The following CUBN variants were observed in gnomAD, a reference collection of about 807,000 sequenced individuals.
CUBN encodes the protein 460 kDa receptor.
CUBN carries 282 observed loss-of-function variants against 405.3 expected under a neutral mutation model. The ratio of observed to expected loss-of-function variants is 0.70; its 90% CI spans 0.63 to 0.77. The LOEUF (loss-of-function observed/expected upper bound fraction) is 0.77. CUBN is among the 30% of genes least tolerant of loss of function. The probability of loss-of-function intolerance (pLI) is 0.00; values close to 1 mark genes in which losing one functional copy is unlikely to be tolerated. For missense variants in CUBN, 4,514 were observed against 4,475.2 expected, an observed-to-expected ratio of 1.01 and a Z score of -0.25; for synonymous variants, 1,684 against 1,617.0, an observed-to-expected ratio of 1.04 and a Z score of -0.99.
intron 4 of CUBN, among the ~76,000 whole-genome samples, chr10:17,125,208 C>T (rs934661748): frequency 1.1e-4 from 17 of 152,022 alleles, no homozygotes; most frequent in Non-Finnish European, 2.1e-4. Context: ...CACACACATA[C>T]ATATATATTA....
At chr10:17,087,460 ATTTTTC>A (rs1373328827) in intron 15 of CUBN, among the ~76,000 whole-genome samples, 1,365 of 97,652 alleles carry the variant, frequency 0.014, 14 homozygotes, top group East Asian at 0.025. Flanking sequence ...AATCACTATT[ATTTTTC>A]TTTTTCTTTT....
chr10:17,011,117 T>C (rs1834167339), intron 28 of CUBN, among the ~76,000 whole-genome samples: 1 of 152,204 alleles, frequency 6.6e-6, no homozygotes, highest in Non-Finnish European at 1.5e-5. Flanking sequence ...TCTAGCATCA[T>C]GGTTGAGAAC....
At chr10:16,908,869 T>A (rs957168672) in intron 48 of CUBN, among the ~76,000 whole-genome samples, 7 of 128,850 alleles carry the variant, frequency 5.4e-5, no homozygotes, top group Non-Finnish European at 1.2e-4. Context: ...AAAGATGTCA[T>A]CTCTTTTTTT....
chr10:16,862,943 T>C (rs1310289752), intron 59 of CUBN, among the ~76,000 whole-genome samples: 1 of 152,214 alleles, frequency 6.6e-6, no homozygotes, highest in Non-Finnish European at 1.5e-5. Flanking sequence ...TACCATGTGG[T>C]TTTATTTTCA....
rs947319178 is a variant in CUBN at position 16,938,821 on chromosome 10, A to G, written c.5733+142T>C. On this transcript the variant is annotated intron_variant, in intron 38 of 66. Coordinates refer to ENST00000377833, the MANE Select transcript of CUBN (RefSeq NM_001081.4). ...GAAATTGCCTTTGTCCATGTAATCTAGAGGCAGTCTGCTCTAAACATGATT... is the reference window on the plus strand; with the variant it reads ...GAAATTGCCTTTGTCCATGTAATCTGGAGGCAGTCTGCTCTAAACATGATT... 9 of 720,174 alleles carry G rather than the reference A, an allele frequency of 1.2e-5. 1 individual carries two copies. The highest frequency in any genetic ancestry group is 2.2e-5 in the Non-Finnish European group (9 of 411,830). The allele number at this position is 720,174 out of a possible 1,614,324, so 44.6% of individuals were successfully genotyped here.
At chr10:16,911,620 T>C (rs1027089258) in intron 48 of CUBN, among the ~76,000 whole-genome samples, 18 of 152,192 alleles carry the variant, frequency 1.2e-4, no homozygotes, top group Non-Finnish European at 4.4e-5. Context: ...ATTTGAGATC[T>C]AAAACTATGA....
chr10:16,834,829 G>T (rs977806652), intron 64 of CUBN, among the ~76,000 whole-genome samples, 185 bp downstream of exon 64: 2 of 152,110 alleles, frequency 1.3e-5, no homozygotes, highest in Admixed American at 6.5e-5. Flanking sequence ...GGGCCCTAAG[G>T]TTCCCAATTT....
At chr10:16,916,869 C>T (rs1212863384) in intron 45 of CUBN, among the ~76,000 whole-genome samples, 2 of 147,640 alleles carry the variant, frequency 1.4e-5, no homozygotes, top group South Asian at 4.2e-4. Flanking sequence ...GCCTAGAGTG[C>T]AGTGGCGCAA....
chr10:17,044,018 G>C (rs772186319), intron 25 of CUBN, 35 bp from the exon 26 acceptor site: 4 of 1,574,048 alleles, frequency 2.5e-6, no homozygotes, highest in Non-Finnish European at 3.5e-6. Context: ...AGATGGTTGA[G>C]ACTATAAACA....
chr10:17,025,124 A>G (rs1028219095), intron 27 of CUBN, among the ~76,000 whole-genome samples: 1 of 152,190 alleles, frequency 6.6e-6, no homozygotes, highest in African/African-American at 2.4e-5. Context: ...TTAATATGTA[A>G]TTGAAATAAT....
chr10:16,980,071 CA>C (rs1833219386), intron 31 of CUBN, among the ~76,000 whole-genome samples: 1 of 151,878 alleles, frequency 6.6e-6, no homozygotes, highest in African/African-American at 2.4e-5. Context: ...TTTATGCAGC[CA>C]ACAAACATAT....
chr10:17,092,124 T>A (rs1483563169), intron 14 of CUBN, among the ~76,000 whole-genome samples: 2 of 152,172 alleles, frequency 1.3e-5, no homozygotes, highest in Non-Finnish European at 2.9e-5. Context: ...GGAAACAGAC[T>A]GTAGCACCAA....
intron 65 of CUBN, 87 bp downstream of exon 65, chr10:16,831,164 TA>T: frequency 6.0e-6 from 7 of 1,163,098 alleles, no homozygotes; most frequent in South Asian, 1.2e-5. Flanking sequence ...CACAGGTAGC[TA>T]AAAATATAAA....
intron 27 of CUBN, among the ~76,000 whole-genome samples, chr10:17,020,898 A>C (rs1385994829): frequency 6.6e-6 from 1 of 152,208 alleles, no homozygotes; most frequent in Non-Finnish European, 1.5e-5. Flanking sequence ...GGGAATAACA[A>C]ACAGTATAAT....
At chr10:17,049,644 A>T (rs1256311525) in intron 22 of CUBN, among the ~76,000 whole-genome samples, 1 of 152,184 alleles carries the variant, frequency 6.6e-6, no homozygotes, top group African/African-American at 2.4e-5. Context: ...GCACAAAAGT[A>T]AACTACAGTT....
chr10:16,980,747 G>A (rs981454576), intron 31 of CUBN, among the ~76,000 whole-genome samples: 1 of 152,044 alleles, frequency 6.6e-6, no homozygotes, highest in Non-Finnish European at 1.5e-5. Context: ...TGTAGATGAC[G>A]GGTTGATGAG....
At chr10:16,883,637 T>C (rs1235699051) in intron 56 of CUBN, among the ~76,000 whole-genome samples, 2 of 152,240 alleles carry the variant, frequency 1.3e-5, no homozygotes, top group African/African-American at 4.8e-5. Context: ...TTTACTTTTT[T>C]TCTTTAAGCT....
chr10:17,046,272 C>T (rs1195707603), intron 23 of CUBN, among the ~76,000 whole-genome samples, 178 bp from the exon 24 acceptor site: 2 of 152,116 alleles, frequency 1.3e-5, no homozygotes, highest in Non-Finnish European at 2.9e-5. Context: ...TTTTAAAAAT[C>T]ATATTTGAAT....
At chr10:17,014,072 T>C (rs1359754853) in intron 28 of CUBN, among the ~76,000 whole-genome samples, 1 of 152,188 alleles carries the variant, frequency 6.6e-6, no homozygotes, top group East Asian at 1.9e-4. Context: ...AAGTAGGCGG[T>C]TGTCTGATAG....
Sources: allele counts gnomAD v4.1 joint callset (sites outside exome capture counted in the v4.1 genomes callset), GRCh38; gene constraint gnomAD v4.1.1; transcripts MANE v1.5; gene names NCBI Gene and HGNC (gene_info 2026-07-23, HGNC 2026-07-21).